HPS3: variants seen among roughly 807,000 people sequenced by gnomAD.
The protein encoded by HPS3 is HPS3 biogenesis of lysosomal organelles complex 2 subunit 1, also known as BLOC-2 complex member HPS3.
HPS3 carries 79 observed loss-of-function variants against 110.9 expected under a neutral mutation model. The observed-to-expected ratio is 0.71, with a 90% CI of 0.59 to 0.86. The LOEUF is 0.86. Ranked by LOEUF, HPS3 falls within the 40% of genes least tolerant of loss-of-function variation. The pLI, the probability that HPS3 is intolerant of heterozygous loss-of-function variation, is 0.00. For synonymous variants in HPS3, 428 were observed against 451.0 expected, an observed-to-expected ratio of 0.95 and a Z score of 0.65; for missense variants, 1,197 against 1,206.2, an observed-to-expected ratio of 0.99 and a Z score of 0.11.
intron 1 of HPS3, among the ~76,000 whole-genome samples, chr3:149,133,469 T>C (rs1243435604): frequency 2.0e-5 from 3 of 152,038 alleles, no homozygotes; most frequent in Non-Finnish European, 2.9e-5. Context: ...TGGCGAATTT[T>C]GTATTTTTAG....
chr3:149,162,222 C>A lies in HPS3; in HGVS notation c.2181C>A (p.Thr727=). The A allele has an allele frequency of 1.2e-6, 2 of 1,613,932 alleles. No individual in the cohort carries two copies. Among genetic ancestry groups the A allele is most frequent in the South Asian group, 1.1e-5 (1 of 91,080 alleles). ...AGAGAAAGGGACAGATTGTTCCAAC[C>A]GAGCTTGCACTTCACTTGAAGGAAA... ...IQQRKGQIVP[T]ELALHLKETQ... Residue 727 remains threonine, a synonymous_variant, in exon 12 of 17, where the codon ACC becomes ACA. Transcript: ENST00000296051.
At position 149,130,076 on chromosome 3, in the gene HPS3, G is replaced by A; in HGVS notation, c.217+136G>A. On this transcript the variant is annotated intron_variant, in intron 1 of 16. Coordinates refer to ENST00000296051, the MANE Select transcript of HPS3 (RefSeq NM_032383.5). ...CCGGAATTTGCCGGATGGTCTCCCT[G>A]GGTCTGGCCGCTGATTGCTTGAAGT... is the stretch of plus-strand genomic sequence containing the variant. The A allele has an allele frequency of 3.7e-6, 3 of 808,072 alleles. No homozygotes were observed. The South Asian group carries it at 5.0e-5, about 13-fold the overall frequency. 50.1% of individuals were successfully genotyped at this position (808,072 alleles called of 1,614,324 possible). A position where few individuals can be genotyped will look rare whatever the true frequency, so the allele number is the denominator to read the frequency against.
At chr3:149,138,087 C>G (rs1480085099) in intron 1 of HPS3, among the ~76,000 whole-genome samples, 5 of 152,110 alleles carry the variant, frequency 3.3e-5, no homozygotes, top group Admixed American at 6.6e-5. Context: ...GAAAAGTGAA[C>G]AAACTTAGGG....
intron 15 of HPS3, 92 bp from the exon 16 acceptor site, chr3:149,167,801 T>C (rs1003833473): frequency 4.9e-6 from 4 of 808,884 alleles, no homozygotes; most frequent in Non-Finnish European, 6.6e-6. Flanking sequence ...GTATTTTTGC[T>C]CTGTGCTTTC....
intron 15 of HPS3, 36 bp from the exon 16 acceptor site, chr3:149,167,857 A>G: frequency 7.9e-7 from 1 of 1,261,304 alleles, no homozygotes; most frequent in Middle Eastern, 1.9e-4. Flanking sequence ...AATAAAATGC[A>G]TCAAACTAAA....
Position 149,141,202 on chromosome 3 carries a change from T to G in HPS3, c.884+14T>G. The G allele has an allele frequency of 7.2e-7, 1 of 1,383,446 alleles. No homozygotes were observed. Among genetic ancestry groups the G allele is most frequent in the Non-Finnish European group, 9.8e-7 (1 of 1,015,318 alleles). The allele number at this position is 1,383,446 out of a possible 1,614,324, so 85.7% of individuals were successfully genotyped here. On this transcript the variant is annotated intron_variant, in intron 3 of 16. Coordinates refer to ENST00000296051, the MANE Select transcript of HPS3 (RefSeq NM_032383.5). ...CCTGCTCTATAGGTATTATAGTGCT[T>G]TTTTTTTTTTTACCAGCATTTTATG...
rs781305454 is a variant in HPS3, at chr3:149,172,171, AT to A, written c.2969del (p.Phe990SerfsTer14). 1 of 1,613,676 alleles carries A rather than the reference AT, an allele frequency of 6.2e-7. No homozygotes were observed. The highest frequency in any genetic ancestry group is 8.5e-7 in the Non-Finnish European group (1 of 1,179,670). ...NVLPEDGTAT[F>X]FLPYLLYCSR... ...TTCTCCCAGAAGATGGTACTGCAAC[AT>A]TTTTCTTGCCATATCTTCTCTATTG... On this transcript the variant is annotated frameshift_variant, in exon 17 of 17. Coordinates refer to ENST00000296051, the MANE Select transcript of HPS3 (RefSeq NM_032383.5). LOFTEE classifies it high-confidence loss of function.
chr3:149,153,946 A>G (rs986389374), intron 7 of HPS3: 23 of 376,034 alleles, frequency 6.1e-5, no homozygotes, highest in Non-Finnish European at 9.2e-5. Flanking sequence ...GACTGAGCCT[A>G]TAATGCTAAT....
At chr3:149,168,046 C>A in intron 16 of HPS3, 63 bp downstream of exon 16, 2 of 963,526 alleles carry the variant, frequency 2.1e-6, no homozygotes, top group South Asian at 1.3e-5. Context: ...TTGGTGAAGC[C>A]TTCTTAAGTA....
chr3:149,153,006 A>G (rs1228032223), intron 6 of HPS3, among the ~76,000 whole-genome samples: 1 of 152,200 alleles, frequency 6.6e-6, no homozygotes, highest in Non-Finnish European at 1.5e-5. Context: ...TCTTTCACAC[A>G]CACATCCGCA....
chr3:149,142,490 G>A (rs1226075381), intron 4 of HPS3, among the ~76,000 whole-genome samples: 1 of 152,094 alleles, frequency 6.6e-6, no homozygotes, highest in Non-Finnish European at 1.5e-5. Flanking sequence ...CAGTTACAGG[G>A]CCTGGGCATT....
Position 149,140,331 on chromosome 3 carries a change from A to T in HPS3, c.545A>T (p.His182Leu). ...GACTTTGAACGTTCTTTAATTATAC[A>T]CATAGATAATATCACTCCTGTTGAG... ...LLDFERSLIIHIDNITPVEVS... is the reference protein window; with the variant it reads ...LLDFERSLIILIDNITPVEVS... Residue 182 changes from histidine (H) to leucine (L), a missense_variant, in exon 2 of 17, where the codon CAC becomes CTC. By Grantham distance (99) the His-to-Leu change is moderately conservative. Transcript: ENST00000296051. 6.2e-7 allele frequency: 1 copy of T among 1,613,560 alleles called. No homozygotes were observed. The highest frequency in any genetic ancestry group is 8.5e-7 in the Non-Finnish European group (1 of 1,179,540).
chr3:149,138,522 GA>G (rs1484319903), intron 1 of HPS3, among the ~76,000 whole-genome samples: 3 of 152,082 alleles, frequency 2.0e-5, no homozygotes, highest in African/African-American at 7.2e-5. Context: ...ATGTAATTTG[GA>G]GGACATGGAT....
chr3:149,165,712 C>T (rs1445916154), intron 14 of HPS3, among the ~76,000 whole-genome samples: 1 of 152,126 alleles, frequency 6.6e-6, no homozygotes, highest in Non-Finnish European at 1.5e-5. Context: ...GTTATGACTA[C>T]TTTCATTTCA....
At chr3:149,135,740 G>A (rs1239227001) in intron 1 of HPS3, among the ~76,000 whole-genome samples, 1 of 152,084 alleles carries the variant, frequency 6.6e-6, no homozygotes, top group East Asian at 1.9e-4. Context: ...GCTGTATGGG[G>A]ACCTTTGGTG....
intron 1 of HPS3, 32 bp from the exon 2 acceptor site, chr3:149,139,972 A>AGTAT: frequency 6.3e-7 from 1 of 1,597,546 alleles, no homozygotes; most frequent in Non-Finnish European, 8.6e-7. Context: ...TTCTAATTAC[A>AGTAT]AATTCTCAGT....
intron 1 of HPS3, among the ~76,000 whole-genome samples, chr3:149,135,946 T>A (rs1722066095): frequency 6.6e-6 from 1 of 152,178 alleles, no homozygotes; most frequent in Admixed American, 6.5e-5. Flanking sequence ...TATTTCTGCC[T>A]TGTGATTCAA....
At chr3:149,147,071 G>T (rs1218688721) in intron 5 of HPS3, among the ~76,000 whole-genome samples, 1 of 152,182 alleles carries the variant, frequency 6.6e-6, no homozygotes, top group Non-Finnish European at 1.5e-5. Flanking sequence ...ATGCATGGGA[G>T]AGGCTTCAGT....
chr3:149,151,203 A>ATTATTAT (rs1553753142), intron 6 of HPS3, among the ~76,000 whole-genome samples: 1 of 146,986 alleles, frequency 6.8e-6, no homozygotes, highest in African/African-American at 2.5e-5. Flanking sequence ...TATTATTATT[A>ATTATTAT]TTTTTTTTTC....
Sources: allele counts gnomAD v4.1 joint callset (sites outside exome capture counted in the v4.1 genomes callset), GRCh38; gene constraint gnomAD v4.1.1; transcripts MANE v1.5; gene names NCBI Gene and HGNC (gene_info 2026-07-23, HGNC 2026-07-21).